The following ARID1B variants were observed in gnomAD, a reference collection of about 807,000 sequenced individuals.
ARID1B encodes AT-rich interactive domain-containing protein 1B.
A neutral mutation model predicts 212.3 loss-of-function variants in ARID1B; 30 were observed. That is an observed-to-expected ratio of 0.14 (90% CI 0.11 to 0.19). The LOEUF (loss-of-function observed/expected upper bound fraction) is 0.19, where lower values mean the gene tolerates loss of function less well. Ranked by LOEUF, ARID1B falls within the 10% of genes least tolerant of loss-of-function variation. ARID1B has a pLI of 1.00. For synonymous variants in ARID1B, 1,402 were observed against 1,301.7 expected (o/e 1.08, Z -1.66); for missense variants, 2,891 against 3,204.0 (o/e 0.90, Z 2.36).
intron 4 of ARID1B, among the ~76,000 whole-genome samples, chr6:156,982,431 T>C (rs1777663050): frequency 6.6e-6 from 1 of 151,734 alleles, no homozygotes; most frequent in Non-Finnish European, 1.5e-5. Context: ...GGGTCTTTTT[T>C]TTTTTTTTTT....
chr6:157,160,043 C>T (rs1178646253), intron 8 of ARID1B, among the ~76,000 whole-genome samples: 1 of 152,210 alleles, frequency 6.6e-6, no homozygotes, highest in Non-Finnish European at 1.5e-5. Context: ...CTGGTAGCTG[C>T]TCCAGCTTGT....
intron 4 of ARID1B, among the ~76,000 whole-genome samples, chr6:157,046,193 A>G (rs974757227): frequency 3.9e-5 from 6 of 152,114 alleles, no homozygotes; most frequent in African/African-American, 1.4e-4. Context: ...TTTTGAAGGG[A>G]TATTTTAGCT....
At chr6:156,803,829 G>A (rs934554619) in intron 1 of ARID1B, among the ~76,000 whole-genome samples, 3 of 151,618 alleles carry the variant, frequency 2.0e-5, no homozygotes, top group Non-Finnish European at 4.4e-5. Flanking sequence ...TTTTCATCAT[G>A]TTTAGGAAAC....
intron 2 of ARID1B, among the ~76,000 whole-genome samples, chr6:156,884,677 C>G (rs569668951): frequency 7.9e-5 from 12 of 152,294 alleles, no homozygotes; most frequent in Non-Finnish European, 1.3e-4. Context: ...GATTATTAGG[C>G]TACCACTAGT....
intron 2 of ARID1B, among the ~76,000 whole-genome samples, chr6:156,880,756 A>AG (rs1247258299): frequency 5.2e-4 from 48 of 92,986 alleles, no homozygotes; most frequent in African/African-American, 2.1e-3. Flanking sequence ...AAAAAAAAAA[A>AG]AAAAAAAAGA....
chr6:156,894,310 G>GGGGTTGGGATGGGGGCCGGGA, intron 2 of ARID1B, among the ~76,000 whole-genome samples: 1 of 150,728 alleles, frequency 6.6e-6, no homozygotes, highest in African/African-American at 2.4e-5. Flanking sequence ...GGGGGCCGGG[G>GGGGTTGGGATGGGGGCCGGGA]GTTGGGATGG....
At chr6:156,897,205 TG>T (rs1562468060) in intron 2 of ARID1B, among the ~76,000 whole-genome samples, 21 of 80,254 alleles carry the variant, frequency 2.6e-4, no homozygotes, top group African/African-American at 8.1e-4. Context: ...CTGCTGCTGC[TG>T]CTGCTGCTGC....
In ARID1B at chr6:157,200,080, C is replaced by T. The variant is rs1202852713; in HGVS notation, c.4480-625C>T. 6.6e-6 allele frequency among the ~76,000 whole-genome samples: 1 copy of T among 152,184 alleles called. No homozygotes were observed. Among genetic ancestry groups the T allele is most frequent in the African/African-American group, 2.4e-5 (1 of 41,438 alleles). On this transcript the variant is annotated intron_variant, in intron 17 of 19. Coordinates refer to ENST00000636930, the MANE Select transcript of ARID1B (RefSeq NM_001374828.1). The surrounding 1 kb of genome is among the most constrained non-coding windows in gnomAD (Gnocchi z 4.3). ...CCACCTACCCCGATTAAGCACTGGTCCCGGAGCATCCTGGGAAGCAAGCTT... is the reference window on the plus strand; with the variant it reads ...CCACCTACCCCGATTAAGCACTGGTTCCGGAGCATCCTGGGAAGCAAGCTT...
In ARID1B at chr6:157,190,286, T is replaced by C; in HGVS notation, c.4231+76T>C. 6.7e-7 allele frequency: 1 copy of C among 1,485,488 alleles called. No individual in the cohort carries two copies. Among genetic ancestry groups the C allele is most frequent in the Non-Finnish European group, 9.0e-7 (1 of 1,112,750 alleles). The allele number at this position is 1,485,488 out of a possible 1,614,324, so 92.0% of individuals were successfully genotyped here. On this transcript the variant is annotated intron_variant, in intron 15 of 19. Transcript: ENST00000636930. This position sits in a 1 kb window ranked among gnomAD's most constrained non-coding sequence, Gnocchi z 4.6. ...CTCTGCCGTTCCACAACAGTTCACCTTTCACTCAGAACACCTCTGAGCCCA... is the reference window on the plus strand; with the variant it reads ...CTCTGCCGTTCCACAACAGTTCACCCTTCACTCAGAACACCTCTGAGCCCA...
chr6:156,952,703 G>A (rs574486711), intron 4 of ARID1B, among the ~76,000 whole-genome samples: 2 of 152,318 alleles, frequency 1.3e-5, no homozygotes, highest in East Asian at 1.9e-4. Context: ...AGAGGCAGCC[G>A]TGTCATGCTC....
chr6:157,162,734 T>C (rs1185313375), intron 8 of ARID1B, among the ~76,000 whole-genome samples: 1 of 152,264 alleles, frequency 6.6e-6, no homozygotes, highest in Non-Finnish European at 1.5e-5. Context: ...GGAGCGGTGC[T>C]GTGGTCTAAC....
chr6:157,027,103 T>G (rs2128487742), intron 4 of ARID1B, among the ~76,000 whole-genome samples: 1 of 152,318 alleles, frequency 6.6e-6, no homozygotes, highest in East Asian at 1.9e-4. Context: ...ATAGGACTTT[T>G]GAGAAATCTG....
chr6:157,175,326 G>C (rs1018164826), intron 11 of ARID1B: 1 of 160,408 alleles, frequency 6.2e-6, no homozygotes, highest in Non-Finnish European at 1.4e-5. Context: ...GATCCATTAT[G>C]CACTTATAGA....
At chr6:157,181,804 T>A (rs1473720971) in intron 12 of ARID1B, among the ~76,000 whole-genome samples, 1 of 152,196 alleles carries the variant, frequency 6.6e-6, no homozygotes, top group East Asian at 1.9e-4. Context: ...CTTTCCTCAC[T>A]GTAGCCCTCG....
intron 6 of ARID1B, among the ~76,000 whole-genome samples, chr6:157,130,585 TA>T (rs1788480817): frequency 6.6e-6 from 1 of 152,234 alleles, no homozygotes; most frequent in Non-Finnish European, 1.5e-5. Flanking sequence ...ATAAATAAGT[TA>T]AATAGGATAA....
At chr6:156,798,249 C>T (rs1026045877) in intron 1 of ARID1B, among the ~76,000 whole-genome samples, 1 of 152,216 alleles carries the variant, frequency 6.6e-6, no homozygotes, top group African/African-American at 2.4e-5. Flanking sequence ...GTCCACCCAT[C>T]CTTCCTCCTC....
chr6:157,210,625 T>C lies in ARID1B; in HGVS notation c.*2734T>C, dbSNP rs1302152148. ...CTTGCCTATAAACTGAGTTATTGCT[T>C]TGTCCTAAAAATTAGTCGGTTTTTT... On this transcript the variant is annotated 3_prime_UTR_variant, in exon 20 of 20. Coordinates refer to ENST00000636930, the MANE Select transcript of ARID1B (RefSeq NM_001374828.1). The C allele has an allele frequency of 8.6e-6, 2 of 231,550 alleles. No homozygotes were observed. The highest frequency in any genetic ancestry group is 2.2e-5 in the African/African-American group (1 of 44,622). 14.3% of individuals were successfully genotyped at this position (231,550 alleles called of 1,614,324 possible).
chr6:156,826,986 A>T (rs948919471), intron 1 of ARID1B, among the ~76,000 whole-genome samples: 4 of 152,032 alleles, frequency 2.6e-5, no homozygotes, highest in African/African-American at 9.7e-5. Context: ...ATTCCTCCTA[A>T]ATAAAGTTCA....
At chr6:157,164,260 T>G (rs145374470) in intron 8 of ARID1B, among the ~76,000 whole-genome samples, 1,633 of 152,332 alleles carry the variant, frequency 0.011, 22 homozygotes, top group African/African-American at 0.036. Flanking sequence ...AACCAGCAAC[T>G]GACATCCAAG....
Sources: allele counts gnomAD v4.1 joint callset (sites outside exome capture counted in the v4.1 genomes callset), GRCh38; gene constraint gnomAD v4.1.1; non-coding constraint Gnocchi (gnomAD v3.1); transcripts MANE v1.5; gene names NCBI Gene and HGNC (gene_info 2026-07-23, HGNC 2026-07-21).